The following FGFRL1 variants were observed in gnomAD, a reference collection of about 807,000 sequenced individuals.
FGFRL1 encodes fibroblast growth factor receptor-like 1.
Under a neutral mutation model 36.8 loss-of-function variants are expected in FGFRL1, and 24 were observed. The ratio of observed to expected loss-of-function variants is 0.65; its 90% confidence interval spans 0.47 to 0.92. The LOEUF (loss-of-function observed/expected upper bound fraction) is 0.92, where lower values mean the gene tolerates loss of function less well. Ranked by LOEUF, FGFRL1 falls within the 40% of genes least tolerant of loss-of-function variation. The probability of loss-of-function intolerance (pLI) is 0.00; values close to 1 mark genes in which losing one functional copy is unlikely to be tolerated. For missense variants in FGFRL1, 785 were observed against 753.4 expected (o/e 1.04, Z -0.49); for synonymous variants, 422 against 344.1 (o/e 1.23, Z -2.50).
chr4:1,015,803 G>A (rs1483561468), intron 2 of FGFRL1, among the ~76,000 whole-genome samples: 3 of 152,210 alleles, frequency 2.0e-5, no homozygotes, highest in South Asian at 2.1e-4. Context: ...TGGTGGCCCC[G>A]TGGAGAGCTT....
rs1560565352 is a variant in FGFRL1 at position 1,024,535 on chromosome 4, C to A, written c.943C>A (p.Pro315Thr). The A allele has an allele frequency of 6.2e-7, 1 of 1,612,522 alleles. No homozygotes were observed. The highest frequency in any genetic ancestry group is 2.2e-5 in the East Asian group (1 of 44,876). ...VLPTGDVWSR[P>T]DGSYLNKLLI... ...GCCCACGGGTGACGTGTGGTCGCGG[C>A]CCGACGGCTCCTACCTCAATAAGCT... is the stretch of plus-strand genomic sequence containing the variant. Residue 315 changes from proline to threonine, a missense_variant, in exon 6 of 7, where the codon CCC (proline) becomes ACC (threonine). Coordinates refer to ENST00000510644, the MANE Select transcript of FGFRL1 (RefSeq NM_001004356.3).
Position 1,025,854 on chromosome 4 carries a change from G to A in FGFRL1, c.*507G>A, listed in dbSNP as rs543072483. On this transcript the variant is annotated 3_prime_UTR_variant, in exon 7 of 7. Transcript: ENST00000510644. ...ATGCTGCCTTGACACACACATGCAC[G>A]GATATTGCCTGGACACACACACACA... 5 of 173,078 alleles carry A rather than the reference G, an allele frequency of 2.9e-5. No individual in the cohort carries two copies. The East Asian group carries it at 5.4e-4, about 19-fold the overall frequency. The allele number at this position is 173,078 out of a possible 1,614,324, so 10.7% of individuals were successfully genotyped here.
In FGFRL1 at chr4:1,026,121, C is replaced by T. The variant is rs187572457; in HGVS notation, c.*774C>T. 6.4e-6 allele frequency: 1 copy of T among 155,240 alleles called. No homozygotes were observed. Among genetic ancestry groups the T allele is most frequent in the African/African-American group, 2.4e-5 (1 of 41,114 alleles). 9.6% of individuals were successfully genotyped at this position (155,240 alleles called of 1,614,324 possible). A position where few individuals can be genotyped will look rare whatever the true frequency, so the allele number is the denominator to read the frequency against. ...CTGGACACACACACAGATAATGCTG[C>T]CTCAACACTCACACACGTGCAGATA... is the stretch of plus-strand genomic sequence containing the variant. On this transcript the variant is annotated 3_prime_UTR_variant, in exon 7 of 7. Coordinates refer to ENST00000510644, the MANE Select transcript of FGFRL1 (RefSeq NM_001004356.3).
Position 1,012,550 on chromosome 4 carries a change from C to T in FGFRL1, c.65C>T (p.Ala22Val). 7 of 1,455,776 alleles carry T rather than the reference C, an allele frequency of 4.8e-6. No homozygotes were observed. The highest frequency in any genetic ancestry group is 6.4e-6 in the Non-Finnish European group (7 of 1,089,532). The allele number at this position is 1,455,776 out of a possible 1,614,324, so 90.2% of individuals were successfully genotyped here. A position where few individuals can be genotyped will look rare whatever the true frequency, so the allele number is the denominator to read the frequency against. Residue 22 changes from alanine to valine, a missense_variant, in exon 2 of 7, where the codon GCC becomes GTC. Ala to Val is a moderately conservative substitution (Grantham distance 64, BLOSUM62 0). Transcript: ENST00000510644. ...CTGCTGCTGGGGGCCTTCCCGCCGGCCGCCGCCGCCCGAGGTGAGTTCTGG... is the reference window on the plus strand; with the variant it reads ...CTGCTGCTGGGGGCCTTCCCGCCGGTCGCCGCCGCCCGAGGTGAGTTCTGG... ...PPLLLGAFPP[A>V]AAARGPPKMA...
In FGFRL1 at chr4:1,024,534, G is replaced by T. The variant is rs1181528774; in HGVS notation, c.942G>T (p.Arg314=). ...TGCCCACGGGTGACGTGTGGTCGCG[G>T]CCCGACGGCTCCTACCTCAATAAGC... ...VVLPTGDVWS[R]PDGSYLNKLL... The change falls in exon 6 of 7, where the codon CGG becomes CGT. Residue 314 remains arginine (R), a synonymous_variant. Coordinates refer to ENST00000510644, the MANE Select transcript of FGFRL1 (RefSeq NM_001004356.3). The T allele has an allele frequency of 6.2e-7, 1 of 1,612,476 alleles. No individual in the cohort carries two copies. Among genetic ancestry groups the T allele is most frequent in the South Asian group, 1.1e-5 (1 of 91,088 alleles).
At chr4:1,017,703 A>T (rs1177848423) in intron 2 of FGFRL1, among the ~76,000 whole-genome samples, 1 of 152,198 alleles carries the variant, frequency 6.6e-6, no homozygotes, top group Non-Finnish European at 1.5e-5. Context: ...CAGAGGGGTC[A>T]TGACGCTGCA....
intron 2 of FGFRL1, among the ~76,000 whole-genome samples, chr4:1,016,492 G>A (rs1294081929): frequency 6.6e-6 from 1 of 152,174 alleles, no homozygotes; most frequent in Non-Finnish European, 1.5e-5. Flanking sequence ...GGTGCCCGCT[G>A]TGTGCCCTGG....
intron 2 of FGFRL1, among the ~76,000 whole-genome samples, chr4:1,017,897 G>A (rs1264041620): frequency 1.3e-5 from 2 of 152,116 alleles, no homozygotes; most frequent in Admixed American, 6.5e-5. Context: ...CACCCACACC[G>A]TTCTCCCTAC....
chr4:1,013,125 C>T (rs143614383), intron 2 of FGFRL1, among the ~76,000 whole-genome samples: 2 of 152,224 alleles, frequency 1.3e-5, no homozygotes, highest in Non-Finnish European at 2.9e-5. Context: ...GACAAGTCCC[C>T]AGAGCCGTGA....
Position 1,023,924 on chromosome 4 carries a change from G to A in FGFRL1, c.541G>A (p.Asp181Asn), listed in dbSNP as rs201262483. Residue 181 changes from aspartate (D) to asparagine (N), a missense_variant, in exon 5 of 7, where the codon GAC (aspartate) becomes AAC (asparagine). Transcript: ENST00000510644. This position sits in a 1 kb window ranked among gnomAD's most constrained non-coding sequence, Gnocchi z 6.0. ...CGTGGCCAGCGGGCACCCTCGGCCC[G>A]ACATCACGTGGATGAAGGACGACCA... is the stretch of plus-strand genomic sequence containing the variant. ...KCVASGHPRP[D>N]ITWMKDDQAL... 917 of 1,582,838 alleles carry A rather than the reference G, an allele frequency of 5.8e-4. 11 individuals carry two copies. In the East Asian group the frequency reaches 0.016, roughly 28 times the overall value.
rs1461926222 is a variant in FGFRL1 at position 1,023,999 on chromosome 4, C to T, written c.616C>T (p.Leu206=). 1.9e-6 allele frequency: 3 copies of T among 1,607,082 alleles called. No homozygotes were observed. The Admixed American group carries it at 5.0e-5, about 27-fold the overall frequency. ...AAEPRKKKWT[L]SLKNLRPEDS... ...TGAGCCCAGGAAGAAGAAGTGGACA[C>T]TGAGCCTGAAGAACCTGCGGCCGGA... The change falls in exon 5 of 7, where the codon CTG becomes TTG. Residue 206 remains leucine, a synonymous_variant. Coordinates refer to ENST00000510644, the MANE Select transcript of FGFRL1 (RefSeq NM_001004356.3). This position sits in a 1 kb window ranked among gnomAD's most constrained non-coding sequence, Gnocchi z 6.0.
intron 2 of FGFRL1, among the ~76,000 whole-genome samples, chr4:1,018,241 T>G (rs1715995044): frequency 6.6e-6 from 1 of 150,400 alleles, no homozygotes; most frequent in Non-Finnish European, 1.5e-5. Flanking sequence ...AGCCTCTGTC[T>G]GGGGACAGTG....
In FGFRL1 at chr4:1,023,799, C is replaced by T. The variant is rs750115132; in HGVS notation, c.434-18C>T. The T allele has an allele frequency of 3.6e-5, 57 of 1,568,710 alleles. No homozygotes were observed. The highest frequency in any genetic ancestry group is 1.7e-4 in the Middle Eastern group (1 of 5,796). On this transcript the variant is annotated intron_variant, in intron 4 of 6. Coordinates refer to ENST00000510644, the MANE Select transcript of FGFRL1 (RefSeq NM_001004356.3). This position sits in a 1 kb window ranked among gnomAD's most constrained non-coding sequence, Gnocchi z 6.0. Reference sequence around the variant, plus strand: ...CTGCATCCCCGTCCTCTGACCTCCACGCCACCCCACCCCGCAGCACGACCG... The same window carrying T: ...CTGCATCCCCGTCCTCTGACCTCCATGCCACCCCACCCCGCAGCACGACCG...
intron 2 of FGFRL1, among the ~76,000 whole-genome samples, chr4:1,021,498 G>A (rs1278123793): frequency 6.6e-6 from 1 of 152,218 alleles, no homozygotes; most frequent in South Asian, 2.1e-4. Flanking sequence ...GCCTGGCAGG[G>A]TACGGCCCTT....
rs376072293 is a variant in FGFRL1 at position 1,024,442 on chromosome 4, G to C, written c.850G>C (p.Val284Leu). The C allele has an allele frequency of 2.5e-6, 4 of 1,612,566 alleles. No individual in the cohort carries two copies. Among genetic ancestry groups the C allele is most frequent in the Non-Finnish European group, 2.5e-6 (3 of 1,179,846 alleles). ...VKPVIQWLKR[V>L]EYGAEGRHNS... Reference sequence around the variant, plus strand: ...GCCGGTGATCCAGTGGCTGAAGCGCGTGGAGTACGGCGCCGAGGGCCGCCA... The same window carrying C: ...GCCGGTGATCCAGTGGCTGAAGCGCCTGGAGTACGGCGCCGAGGGCCGCCA... The change falls in exon 6 of 7, where the codon GTG becomes CTG. Residue 284 changes from valine (V) to leucine (L), a missense_variant. By Grantham distance (32) the Val-to-Leu change is conservative. Coordinates refer to ENST00000510644, the MANE Select transcript of FGFRL1 (RefSeq NM_001004356.3).
At position 1,024,979 on chromosome 4, in the gene FGFRL1, A is replaced by G. The variant is rs774750247; in HGVS notation, c.1147A>G (p.Ile383Val). The part of the protein sequence containing the change: ...TSLPWPVVIG[I>V]PAGAVFILGT... Reference sequence around the variant, plus strand: ...CCTGCCGTGGCCCGTGGTCATCGGCATCCCAGCCGGCGCTGTCTTCATCCT... The same window carrying G: ...CCTGCCGTGGCCCGTGGTCATCGGCGTCCCAGCCGGCGCTGTCTTCATCCT... Residue 383 changes from isoleucine (I) to valine (V), a missense_variant, in exon 7 of 7, where the codon ATC becomes GTC. Ile to Val is a conservative substitution (Grantham distance 29). Transcript: ENST00000510644. 6.2e-7 allele frequency: 1 copy of G among 1,609,918 alleles called. No individual in the cohort carries two copies. Among genetic ancestry groups the G allele is most frequent in the East Asian group, 2.2e-5 (1 of 44,864 alleles).
Position 1,024,375 on chromosome 4 carries a change from G to T in FGFRL1, c.783G>T (p.Gly261=). 6.2e-7 allele frequency: 1 copy of T among 1,612,452 alleles called. No homozygotes were observed. Among genetic ancestry groups the T allele is most frequent in the South Asian group, 1.1e-5 (1 of 91,058 alleles). ...THPVNTTVDF[G]GTTSFQCKVR... is the part of the protein sequence containing the mutation. The stretch of plus-strand genomic sequence containing the variant: ...CCGTGAACACGACGGTGGACTTCGG[G>T]GGGACCACGTCCTTCCAGTGCAAGG... The change falls in exon 6 of 7, where the codon GGG becomes GGT. Residue 261 remains glycine (G), a synonymous_variant. Transcript: ENST00000510644.
chr4:1,012,834 C>G (rs1029221476), intron 2 of FGFRL1, among the ~76,000 whole-genome samples: 1 of 152,260 alleles, frequency 6.6e-6, no homozygotes, highest in Admixed American at 6.5e-5. Flanking sequence ...GGACATGCTC[C>G]TGGTCTTGCA....
rs147695405 is a variant in FGFRL1 at position 1,025,498 on chromosome 4, GACAC to G, written c.*161_*164del. On this transcript the variant is annotated 3_prime_UTR_variant, in exon 7 of 7. Transcript: ENST00000510644. ...GTCTGTGTGTGAGGCATAGCCCCTG[GACAC>G]ACACACACAGACACACACACTGCCT... 1.5e-4 allele frequency: 127 copies of G among 847,326 alleles called. No homozygotes were observed. The highest frequency in any genetic ancestry group is 5.4e-4 in the South Asian group (29 of 54,100). The allele number at this position is 847,326 out of a possible 1,614,324, so 52.5% of individuals were successfully genotyped here.
Sources: gnomAD v4.1 joint callset for allele counts (sites outside exome capture counted in the v4.1 genomes callset) on GRCh38, gnomAD v4.1.1 for gene constraint, Gnocchi (gnomAD v3.1) non-coding constraint, MANE v1.5 for transcripts, NCBI Gene and HGNC (gene_info 2026-07-23, HGNC 2026-07-21) for gene names.